BPNT2: variants seen among roughly 807,000 people sequenced by gnomAD.
BPNT2 encodes the protein 3'(2'), 5'-bisphosphate nucleotidase 2, also known as Golgi-resident adenosine 3',5'-bisphosphate 3'-phosphatase.
Under a neutral mutation model 29.3 loss-of-function variants are expected in BPNT2, and 11 were observed. The ratio of observed to expected loss-of-function variants is 0.38; its 90% CI spans 0.24 to 0.62. The LOEUF (loss-of-function observed/expected upper bound fraction) is 0.62. BPNT2 is among the 20% of genes least tolerant of loss of function. The pLI is 0.62. For missense variants in BPNT2, 459 were observed against 473.4 expected (o/e 0.97, Z 0.28); for synonymous variants, 195 against 187.7 (o/e 1.04, Z -0.32).
rs922299926 is a variant in BPNT2, at chr8:56,993,829, G to C, written c.-244C>G. ...CGCGCTCTAGGTTCTTCCGCCGGCC[G>C]GCTGGTCCGACTTCCACGTTAGCCT... On this transcript the variant is annotated 5_prime_UTR_variant, in exon 1 of 5. Coordinates refer to ENST00000262644, the MANE Select transcript of BPNT2 (RefSeq NM_017813.5). The C allele has an allele frequency of 2.5e-5, 8 of 322,948 alleles. No homozygotes were observed. Among genetic ancestry groups the C allele is most frequent in the Admixed American group, 6.4e-5 (1 of 15,650 alleles). 20.0% of individuals were successfully genotyped at this position (322,948 alleles called of 1,614,324 possible).
Position 56,986,414 on chromosome 8 carries a change from T to A in BPNT2, c.388-6217A>T, listed in dbSNP as rs116332130. Among the ~76,000 whole-genome samples the A allele has an allele frequency of 6.1e-3, 927 of 152,122 alleles. 7 individuals carry two copies. The highest frequency in any genetic ancestry group is 0.021 in the African/African-American group (870 of 41,508). ...GAGAATAGGTACAGAATAGTAGGAGTGTTCCGTAATTGTGAGGACAGAAAA... is the reference window on the plus strand; with the variant it reads ...GAGAATAGGTACAGAATAGTAGGAGAGTTCCGTAATTGTGAGGACAGAAAA... On this transcript the variant is annotated intron_variant, in intron 1 of 4. Transcript: ENST00000262644.
chr8:56,965,470 A>G lies in BPNT2; in HGVS notation c.808+721T>C, dbSNP rs182162240. On this transcript the variant is annotated intron_variant, in intron 4 of 4. Coordinates refer to ENST00000262644, the MANE Select transcript of BPNT2 (RefSeq NM_017813.5). Reference sequence around the variant, plus strand: ...ATTTCTGACATGTTAGACAGTACTCATAACAGGAGTTGACAAACAGCCCCT... The same window carrying G: ...ATTTCTGACATGTTAGACAGTACTCGTAACAGGAGTTGACAAACAGCCCCT... Among the ~76,000 whole-genome samples the G allele has an allele frequency of 2.4e-3, 372 of 152,340 alleles. 1 individual carries two copies. Among genetic ancestry groups the G allele is most frequent in the Non-Finnish European group, 3.7e-3 (249 of 68,034 alleles).
intron 2 of BPNT2, among the ~76,000 whole-genome samples, chr8:56,978,504 G>A (rs1806183635): frequency 6.6e-6 from 1 of 152,074 alleles, no homozygotes; most frequent in Non-Finnish European, 1.5e-5. Flanking sequence ...TCAAAGGCCT[G>A]AAGAAAGAAA....
At chr8:56,993,173 T>A (rs1163568818) in intron 1 of BPNT2, 26 bp downstream of exon 1, 2 of 1,583,318 alleles carry the variant, frequency 1.3e-6, no homozygotes, top group Non-Finnish European at 8.5e-7. Context: ...CCGGCTCGAG[T>A]GGGCGCTCCG....
At chr8:56,991,635 T>C (rs928216263) in intron 1 of BPNT2, among the ~76,000 whole-genome samples, 1 of 152,196 alleles carries the variant, frequency 6.6e-6, no homozygotes, top group Non-Finnish European at 1.5e-5. Context: ...TTCCCGTTTG[T>C]ATAGTAGGCA....
intron 3 of BPNT2, among the ~76,000 whole-genome samples, chr8:56,969,103 C>T (rs183927707): frequency 1.3e-5 from 2 of 152,288 alleles, no homozygotes; most frequent in East Asian, 3.9e-4. Context: ...AAACTTCCTC[C>T]AAGCCTGCAG....
chr8:56,985,937 G>A (rs1806320709), intron 1 of BPNT2, among the ~76,000 whole-genome samples: 1 of 152,198 alleles, frequency 6.6e-6, no homozygotes, highest in South Asian at 2.1e-4. Context: ...TAAAAAGAAA[G>A]CTCCTGCCCA....
intron 1 of BPNT2, among the ~76,000 whole-genome samples, chr8:56,992,311 A>C (rs1806430618): frequency 6.6e-6 from 1 of 152,180 alleles, no homozygotes; most frequent in Non-Finnish European, 1.5e-5. Context: ...GTTAAGATAT[A>C]CGTTAATAAG....
At position 56,993,578 on chromosome 8, in the gene BPNT2, G is replaced by A. The variant is rs1445242968; in HGVS notation, c.8C>T (p.Pro3Leu). 4.0e-5 allele frequency: 58 copies of A among 1,449,848 alleles called. No homozygotes were observed. Among genetic ancestry groups the A allele is most frequent in the Non-Finnish European group, 4.7e-5 (52 of 1,098,126 alleles). The allele number at this position is 1,449,848 out of a possible 1,614,324, so 89.8% of individuals were successfully genotyped here. A position where few individuals can be genotyped will look rare whatever the true frequency, so the allele number is the denominator to read the frequency against. ...CAGTGGGGAAAGGCGGATGCCCATG[G>A]GGGCCATGGCGTGGGAAGCCGGGCG... MAPMGIRLSPLGV... is the reference protein window; with the variant it reads MALMGIRLSPLGV... Residue 3 changes from proline to leucine, a missense_variant, in exon 1 of 5, where the codon CCC (proline) becomes CTC (leucine). Physicochemically the swap from Pro to Leu is moderately conservative, Grantham distance 98 (BLOSUM62 -3). Transcript: ENST00000262644.
intron 1 of BPNT2, among the ~76,000 whole-genome samples, chr8:56,990,967 A>G (rs1806408191): frequency 6.6e-6 from 1 of 152,252 alleles, no homozygotes; most frequent in Non-Finnish European, 1.5e-5. Flanking sequence ...TCCACTAGGA[A>G]GTAAACTAAG....
At chr8:56,978,351 T>C (rs1490889876) in intron 2 of BPNT2, among the ~76,000 whole-genome samples, 1 of 152,264 alleles carries the variant, frequency 6.6e-6, no homozygotes, top group Non-Finnish European at 1.5e-5. Flanking sequence ...TGAGATACCA[T>C]CTCACACTAG....
chr8:56,988,405 A>G (rs1270265827), intron 1 of BPNT2, among the ~76,000 whole-genome samples: 1 of 152,210 alleles, frequency 6.6e-6, no homozygotes. Flanking sequence ...CTGAGCTACA[A>G]TTACCTCATT....
At chr8:56,970,336 G>T (rs1228469546) in intron 3 of BPNT2, among the ~76,000 whole-genome samples, 1 of 151,994 alleles carries the variant, frequency 6.6e-6, no homozygotes, top group East Asian at 1.9e-4. Context: ...ATCCAATCAA[G>T]GATTCAGATC....
intron 1 of BPNT2, among the ~76,000 whole-genome samples, chr8:56,988,019 C>T (rs1390594341): frequency 6.6e-6 from 1 of 152,138 alleles, no homozygotes; most frequent in Non-Finnish European, 1.5e-5. Context: ...TGAGCCACCA[C>T]GCCAGGCCTC....
chr8:56,990,397 T>A lies in BPNT2; in HGVS notation c.387+2802A>T, dbSNP rs184468199. ...CTGCAAGGATAAAGAGACAGTGCCA[T>A]ACAAATGGCTGGAGTTACTATTACT... On this transcript the variant is annotated intron_variant, in intron 1 of 4. Coordinates refer to ENST00000262644, the MANE Select transcript of BPNT2 (RefSeq NM_017813.5). Among the ~76,000 whole-genome samples, 363 of 152,268 alleles carry A rather than the reference T, an allele frequency of 2.4e-3. 1 individual carries two copies. The highest frequency in any genetic ancestry group is 8.2e-3 in the African/African-American group (342 of 41,538).
intron 1 of BPNT2, 29 bp from the exon 2 acceptor site, chr8:56,980,226 AAAGT>A (rs762855726): frequency 1.3e-6 from 2 of 1,585,414 alleles, no homozygotes; most frequent in African/African-American, 1.3e-5. Context: ...ACAGTTAAAA[AAAGT>A]AAGACGAACA....
chr8:56,977,686 G>GT, intron 3 of BPNT2, among the ~76,000 whole-genome samples: 1 of 152,238 alleles, frequency 6.6e-6, no homozygotes, highest in South Asian at 2.1e-4. Context: ...TATGACTGGT[G>GT]TGCTTGTAAG....
At chr8:56,967,582 G>A (rs1805972346) in intron 3 of BPNT2, among the ~76,000 whole-genome samples, 1 of 152,064 alleles carries the variant, frequency 6.6e-6, no homozygotes, top group Non-Finnish European at 1.5e-5. Flanking sequence ...GAAGGAAGAG[G>A]TTCCATCTAA....
rs1177944323 is a variant in BPNT2 at position 56,962,596 on chromosome 8, A to T, written c.*1197T>A. ...TACGGTAACACAATGAATATGTCAC[A>T]ACTTTTTTTTTCTAACCAGACTAGA... On this transcript the variant is annotated 3_prime_UTR_variant, in exon 5 of 5. Coordinates refer to ENST00000262644, the MANE Select transcript of BPNT2 (RefSeq NM_017813.5). The T allele has an allele frequency of 6.6e-6, 1 of 152,198 alleles. No individual in the cohort carries two copies. The highest frequency in any genetic ancestry group is 1.5e-5 in the Non-Finnish European group (1 of 68,026). The allele number at this position is 152,198 out of a possible 1,614,324, so 9.4% of individuals were successfully genotyped here. A position where few individuals can be genotyped will look rare whatever the true frequency, so the allele number is the denominator to read the frequency against.
Sources: allele counts gnomAD v4.1 joint callset (sites outside exome capture counted in the v4.1 genomes callset), GRCh38; gene constraint gnomAD v4.1.1; transcripts MANE v1.5; gene names NCBI Gene and HGNC (gene_info 2026-07-23, HGNC 2026-07-21).